SORBS2: variants seen among roughly 807,000 people sequenced by gnomAD.
The protein encoded by SORBS2 is sorbin and SH3 domain-containing protein 2.
In SORBS2, 46 loss-of-function variants were observed where a neutral mutation model predicts 97.7. That is an observed-to-expected ratio of 0.47 (90% confidence interval 0.37 to 0.60). The LOEUF (loss-of-function observed/expected upper bound fraction) is 0.60, where lower values mean the gene tolerates loss of function less well. Among genes scored for constraint, SORBS2 ranks in the 20% least tolerant of loss-of-function variants. The probability of loss-of-function intolerance (pLI) is 0.00; values close to 1 mark genes in which losing one functional copy is unlikely to be tolerated. For missense variants in SORBS2, 1,316 were observed against 1,282.3 expected (o/e 1.03, Z -0.40); for synonymous variants, 476 against 473.4 (o/e 1.01, Z -0.07).
intron 1 of SORBS2, chr4:185,775,683 A>G (rs1016256734): frequency 1.3e-5 from 2 of 152,392 alleles, no homozygotes; most frequent in Middle Eastern, 3.4e-3. Flanking sequence ...GTGCTCCTCA[A>G]GTTTTCAAAA....
chr4:185,772,469 C>T (rs1274404771), intron 2 of SORBS2: 2 of 152,310 alleles, frequency 1.3e-5, no homozygotes, highest in East Asian at 1.9e-4. Flanking sequence ...TACTGTCAAG[C>T]GGATAGACCT....
chr4:185,702,846 G>A (rs1037979324), intron 2 of SORBS2, among the ~76,000 whole-genome samples: 1 of 152,078 alleles, frequency 6.6e-6, no homozygotes, highest in Non-Finnish European at 1.5e-5. Context: ...TCTAGGAAAG[G>A]TATATTCAAC....
At chr4:185,613,256 A>G (rs1197618389) in intron 11 of SORBS2, among the ~76,000 whole-genome samples, 5 of 152,174 alleles carry the variant, frequency 3.3e-5, no homozygotes, top group Admixed American at 3.3e-4. Context: ...CCCAAGAAGA[A>G]CTTCGACCTT....
At chr4:185,616,387 T>C (rs1281650726) in intron 9 of SORBS2, among the ~76,000 whole-genome samples, 1 of 152,196 alleles carries the variant, frequency 6.6e-6, no homozygotes. Flanking sequence ...ACAAAGAAGA[T>C]TCATGGAGCT....
At chr4:185,756,804 C>T (rs1351204463) in intron 2 of SORBS2, among the ~76,000 whole-genome samples, 6 of 150,286 alleles carry the variant, frequency 4.0e-5, no homozygotes, top group African/African-American at 4.9e-5. Context: ...TGGTCTTTCC[C>T]GTGGCATGCT....
At chr4:185,801,922 C>A (rs755849945) in intron 1 of SORBS2, among the ~76,000 whole-genome samples, 2 of 152,180 alleles carry the variant, frequency 1.3e-5, no homozygotes, top group Non-Finnish European at 2.9e-5. Flanking sequence ...TTGAGCCAGA[C>A]TCAACAATTT....
rs557644758 is a variant in SORBS2, at chr4:185,803,890, T to C, written c.-337-28524A>G. Among the ~76,000 whole-genome samples the C allele has an allele frequency of 1.4e-4, 22 of 152,332 alleles. 1 individual carries two copies. Among genetic ancestry groups the C allele is most frequent in the Middle Eastern group, 6.8e-3 (2 of 294 alleles). On this transcript the variant is annotated intron_variant, in intron 1 of 20. Coordinates refer to the SORBS2 transcript ENST00000284776. ...AGCCCTTCTCCCAAAACAGATATGG[T>C]TTCTCTGACAAAGAAGATAAGTGTG...
rs147797169 is a variant in SORBS2 at position 185,640,415 on chromosome 4, T to G, written c.396+6253A>C. ...CTTTCTTTTAAATATTATTTTGCTT[T>G]ATTGTTGTAATGTTATTTTTGTAAT... On this transcript the variant is annotated intron_variant, in intron 4 of 14. Coordinates refer to ENST00000418609, the Ensembl canonical transcript of SORBS2. 2.4e-3 allele frequency among the ~76,000 whole-genome samples: 364 copies of G among 152,334 alleles called. 4 individuals carry two copies. The highest frequency in any genetic ancestry group is 5.2e-3 in the Admixed American group (79 of 15,310).
chr4:185,801,276 T>C (rs978910102), intron 1 of SORBS2, among the ~76,000 whole-genome samples: 3 of 152,242 alleles, frequency 2.0e-5, no homozygotes, highest in Non-Finnish European at 4.4e-5. Context: ...TATCCATTCA[T>C]CCATGGACAG....
chr4:185,789,907 T>A (rs145170079), intron 1 of SORBS2, among the ~76,000 whole-genome samples: 33 of 152,350 alleles, frequency 2.2e-4, no homozygotes, highest in African/African-American at 7.2e-4. Context: ...AGTTTCTTCC[T>A]ACCTATATAA....
At chr4:185,844,488 G>A (rs1445136593) in intron 1 of SORBS2, among the ~76,000 whole-genome samples, 2 of 152,152 alleles carry the variant, frequency 1.3e-5, no homozygotes, top group African/African-American at 4.8e-5. Context: ...AGGATGTGAA[G>A]AAACTTGAAT....
intron 4 of SORBS2, among the ~76,000 whole-genome samples, chr4:185,634,947 G>A (rs1561554517): frequency 6.6e-6 from 1 of 152,136 alleles, no homozygotes; most frequent in Non-Finnish European, 1.5e-5. Context: ...AAATATATGG[G>A]ACATAGGCAT....
chr4:185,762,968 C>T (rs902365592), intron 2 of SORBS2, among the ~76,000 whole-genome samples: 1 of 152,134 alleles, frequency 6.6e-6, no homozygotes, highest in East Asian at 1.9e-4. Flanking sequence ...GCGGGTGGAT[C>T]ACCTGAGGTC....
Position 185,606,805 on chromosome 4 carries a change from A to G in SORBS2, c.2796+4975T>C. The G allele has an allele frequency of 1.0e-6, 1 of 985,256 alleles. No homozygotes were observed. The highest frequency in any genetic ancestry group is 1.2e-6 in the Non-Finnish European group (1 of 829,900). The allele number at this position is 985,256 out of a possible 1,614,324, so 61.0% of individuals were successfully genotyped here. A position where few individuals can be genotyped will look rare whatever the true frequency, so the allele number is the denominator to read the frequency against. ...GATGCCTGACACAATCCCCTCATAG[A>G]TGCCCTCATCTTCCTCTCCAATGAC... is the stretch of plus-strand genomic sequence containing the variant. On this transcript the variant is annotated intron_variant, in intron 12 of 14. Coordinates refer to ENST00000418609, the Ensembl canonical transcript of SORBS2. The surrounding 1 kb of genome is among the most constrained non-coding windows in gnomAD (Gnocchi z 4.3).
chr4:185,921,016 A>C (rs1050277049), intron 1 of SORBS2, among the ~76,000 whole-genome samples: 2 of 152,178 alleles, frequency 1.3e-5, no homozygotes, highest in Non-Finnish European at 2.9e-5. Context: ...GCCCCTCAGC[A>C]CCTGAGAGGC....
At chr4:185,600,437 C>T (rs1264385154) in intron 12 of SORBS2, among the ~76,000 whole-genome samples, 5 of 152,172 alleles carry the variant, frequency 3.3e-5, no homozygotes, top group Admixed American at 2.6e-4. Context: ...CTCCCGGGTT[C>T]GAGCGATTCT....
intron 2 of SORBS2, among the ~76,000 whole-genome samples, chr4:185,695,469 G>C (rs1582918871): frequency 6.7e-6 from 1 of 150,356 alleles, no homozygotes; most frequent in Admixed American, 6.6e-5. Context: ...AGGACATATT[G>C]ATGTTTAAGT....
Position 185,630,686 on chromosome 4 carries a change from A to G in SORBS2, c.397-88T>C, listed in dbSNP as rs149928750. ...CAACATTAAATTAGGTATCCTAAAAAGAATATTATAAAAATTGAGGTTGAA... is the reference window on the plus strand; with the variant it reads ...CAACATTAAATTAGGTATCCTAAAAGGAATATTATAAAAATTGAGGTTGAA... On this transcript the variant is annotated intron_variant, in intron 4 of 14. Transcript: ENST00000418609. 468 of 707,116 alleles carry G rather than the reference A, an allele frequency of 6.6e-4. 1 individual carries two copies. The African/African-American group carries it at 7.6e-3, about 12-fold the overall frequency. The allele number at this position is 707,116 out of a possible 1,614,324, so 43.8% of individuals were successfully genotyped here.
chr4:185,663,384 T>C (rs746603669), intron 4 of SORBS2, among the ~76,000 whole-genome samples: 1 of 152,238 alleles, frequency 6.6e-6, no homozygotes, highest in Non-Finnish European at 1.5e-5. Flanking sequence ...TAAGTCTAAT[T>C]TCATTACTGT....
Sources: gnomAD v4.1 joint callset for allele counts (sites outside exome capture counted in the v4.1 genomes callset) on GRCh38, gnomAD v4.1.1 for gene constraint, Gnocchi (gnomAD v3.1) non-coding constraint, MANE v1.5 for transcripts, NCBI Gene and HGNC (gene_info 2026-07-23, HGNC 2026-07-21) for gene names.